ZNF585B: variants seen among roughly 807,000 people sequenced by gnomAD.
ZNF585B encodes zinc finger protein 41-like protein.
A neutral mutation model predicts 14.0 loss-of-function variants in ZNF585B; 7 were observed. The ratio of observed to expected loss-of-function variants is 0.50; its 90% CI spans 0.28 to 0.94. The LOEUF is 0.94. ZNF585B is among the 40% of genes least tolerant of loss of function. ZNF585B has a pLI of 0.09. For synonymous variants in ZNF585B, 290 were observed against 317.3 expected (o/e 0.91, Z 0.91); for missense variants, 750 against 924.4 (o/e 0.81, Z 2.45).
chr19:37,190,211 T>C (rs1252691836), intron 2 of ZNF585B, 61 bp from the exon 3 acceptor site: 10 of 1,599,216 alleles, frequency 6.3e-6, no homozygotes, highest in South Asian at 2.2e-5. Flanking sequence ...AGTGACTATA[T>C]ATGGGATTAC....
At chr19:37,205,714 T>C (rs1187687615) in intron 2 of ZNF585B, among the ~76,000 whole-genome samples, 1 of 152,210 alleles carries the variant, frequency 6.6e-6, no homozygotes, top group African/African-American at 2.4e-5. Flanking sequence ...ACTAGGTATA[T>C]GCATTGCCTA....
intron 2 of ZNF585B, among the ~76,000 whole-genome samples, chr19:37,193,093 C>T (rs750976265): frequency 2.6e-5 from 4 of 152,096 alleles, no homozygotes; most frequent in Non-Finnish European, 5.9e-5. Flanking sequence ...CGAGATTGCG[C>T]CACTGCATTC....
chr19:37,200,977 GC>G (rs1418573023), intron 2 of ZNF585B, among the ~76,000 whole-genome samples: 15 of 151,520 alleles, frequency 9.9e-5, no homozygotes, highest in Admixed American at 8.6e-4. Flanking sequence ...TGTAATCCCA[GC>G]TACTCCAGAG....
At chr19:37,188,444 C>T (rs1268370365) in intron 4 of ZNF585B, among the ~76,000 whole-genome samples, 1 of 152,142 alleles carries the variant, frequency 6.6e-6, no homozygotes, top group African/African-American at 2.4e-5. Context: ...CGAGATCGTG[C>T]CATTGCACTC....
Position 37,185,790 on chromosome 19 carries a change from A to C in ZNF585B, c.1747T>G (p.Cys583Gly), listed in dbSNP as rs761999354. 7.5e-6 allele frequency: 12 copies of C among 1,599,370 alleles called. No individual in the cohort carries two copies. The South Asian group carries it at 1.1e-4, about 15-fold the overall frequency. Residue 583 changes from cysteine to glycine, a missense_variant, in exon 5 of 5, where the codon TGT becomes GGT. By Grantham distance (159) the Cys-to-Gly change is radical. Transcript: ENST00000532828. ...GACTTGCGGATGAAAGCTCTTCCAC[A>C]CTCAGTGCATACATAGGGTTTCTCT... is the stretch of plus-strand genomic sequence containing the variant. ...TGEKPYVCTE[C>G]GRAFIRKSNF...
intron 3 of ZNF585B, 59 bp downstream of exon 3, chr19:37,189,965 T>G (rs376744832): frequency 1.9e-6 from 3 of 1,601,060 alleles, no homozygotes; most frequent in Admixed American, 1.7e-5. Context: ...ATTCGTCAAC[T>G]GAGAATGAAA....
In ZNF585B at chr19:37,187,264, G is replaced by C; in HGVS notation, c.293-20C>G. 6.5e-7 allele frequency: 1 copy of C among 1,541,006 alleles called. No individual in the cohort carries two copies. The highest frequency in any genetic ancestry group is 1.9e-5 in the Admixed American group (1 of 53,402). ...TCTCTCCTGTTGGAGTACATTCACAGTAAGTATAGAAAGACATTTTACCAT... is the reference window on the plus strand; with the variant it reads ...TCTCTCCTGTTGGAGTACATTCACACTAAGTATAGAAAGACATTTTACCAT... On this transcript the variant is annotated intron_variant, in intron 4 of 4. Transcript: ENST00000532828.
At chr19:37,204,037 G>A (rs1166019684) in intron 2 of ZNF585B, among the ~76,000 whole-genome samples, 1 of 152,170 alleles carries the variant, frequency 6.6e-6, no homozygotes, top group Admixed American at 6.5e-5. Context: ...GCTTCTGAAA[G>A]TAGTGTGATA....
rs939457136 is a variant in ZNF585B, at chr19:37,207,169, G to A, written c.-58C>T. 100 of 1,610,646 alleles carry A rather than the reference G, an allele frequency of 6.2e-5. No individual in the cohort carries two copies. The highest frequency in any genetic ancestry group is 7.8e-5 in the Non-Finnish European group (92 of 1,179,346). On this transcript the variant is annotated 5_prime_UTR_variant, in exon 2 of 5. Coordinates refer to ENST00000532828, the MANE Select transcript of ZNF585B (RefSeq NM_152279.4). ...GGTGCCTGAAGTTTAGTGGTCATCT[G>A]TGAACTCAGCAGAGCTGCTCCGAAG...
intron 2 of ZNF585B, among the ~76,000 whole-genome samples, chr19:37,192,724 C>T (rs1397537532): frequency 1.3e-5 from 2 of 151,890 alleles, no homozygotes; most frequent in South Asian, 2.1e-4. Context: ...GTAGGAGAAT[C>T]GCTTGAACCT....
chr19:37,199,569 C>G, intron 2 of ZNF585B: 1 of 416,340 alleles, frequency 2.4e-6, no homozygotes, highest in Non-Finnish European at 4.8e-6. Context: ...AACCTCCTCA[C>G]TCAAAGATAA....
chr19:37,185,976 G>T lies in ZNF585B; in HGVS notation c.1561C>A (p.Pro521Thr), dbSNP rs201071147. 1 of 1,613,790 alleles carries T rather than the reference G, an allele frequency of 6.2e-7. No individual in the cohort carries two copies. The highest frequency in any genetic ancestry group is 8.5e-7 in the Non-Finnish European group (1 of 1,179,980). The stretch of plus-strand genomic sequence containing the variant: ...TTTCCACAAGTATTGCATTCATAAG[G>T]CTTCTCCCCAGTATGGATTCTCTGA... The part of the protein sequence containing the change: ...THQRIHTGEK[P>T]YECNTCGKAF... The change falls in exon 5 of 5, where the codon CCT becomes ACT. Residue 521 changes from proline (P) to threonine (T), a missense_variant. Pro to Thr is a conservative substitution (Grantham distance 38). Coordinates refer to ENST00000532828, the MANE Select transcript of ZNF585B (RefSeq NM_152279.4).
At chr19:37,191,755 T>C (rs543056367) in intron 2 of ZNF585B, among the ~76,000 whole-genome samples, 2 of 151,936 alleles carry the variant, frequency 1.3e-5, no homozygotes, top group Non-Finnish European at 2.9e-5. Flanking sequence ...CTGTCTTGGC[T>C]GGGCCCGGTG....
intron 2 of ZNF585B, among the ~76,000 whole-genome samples, chr19:37,194,548 G>A (rs8111936): frequency 0.17 from 25,462 of 152,100 alleles, 2,414 homozygotes; most frequent in African/African-American, 0.26. Flanking sequence ...GGGAGGTGGA[G>A]GTTGCAGTGA....
Position 37,186,194 on chromosome 19 carries a change from G to A in ZNF585B, c.1343C>T (p.Thr448Ile), listed in dbSNP as rs1972331346. The A allele has an allele frequency of 6.2e-7, 1 of 1,614,122 alleles. No homozygotes were observed. The highest frequency in any genetic ancestry group is 1.1e-5 in the South Asian group (1 of 91,076). The change falls in exon 5 of 5, where the codon ACT (threonine) becomes ATT (isoleucine). Residue 448 changes from threonine (T) to isoleucine (I), a missense_variant. Transcript: ENST00000532828. ...ATGAACATGGAGTTGTGACTTGGAA[G>A]TAAACAATTTCCCACAGTGACCACA... ...YKCGHCGKLF[T>I]SKSQLHVHKR...
chr19:37,188,762 G>A (rs1312795997), intron 4 of ZNF585B, among the ~76,000 whole-genome samples: 3 of 152,034 alleles, frequency 2.0e-5, no homozygotes, highest in Non-Finnish European at 4.4e-5. Context: ...GTGAGAAAGG[G>A]TGATTAATCC....
At position 37,184,342 on chromosome 19, in the gene ZNF585B, G is replaced by A. The variant is rs1972293765; in HGVS notation, c.*885C>T. The stretch of plus-strand genomic sequence containing the variant: ...CACTCTAGCTTGCCCGACAGAGCAA[G>A]ACTCTGTCTCAAAAAAAGAAAGAAA... On this transcript the variant is annotated 3_prime_UTR_variant, in exon 5 of 5. Coordinates refer to ENST00000532828, the MANE Select transcript of ZNF585B (RefSeq NM_152279.4). 7.6e-6 allele frequency: 1 copy of A among 131,808 alleles called. No individual in the cohort carries two copies. The highest frequency in any genetic ancestry group is 2.8e-5 in the African/African-American group (1 of 35,562). 8.2% of individuals were successfully genotyped at this position (131,808 alleles called of 1,614,324 possible).
chr19:37,193,301 C>G (rs1323134827), intron 2 of ZNF585B, among the ~76,000 whole-genome samples: 2 of 152,012 alleles, frequency 1.3e-5, no homozygotes, highest in East Asian at 3.9e-4. Context: ...GAAACACCAT[C>G]TCTACTAAAA....
At chr19:37,188,441 G>A (rs1972363801) in intron 4 of ZNF585B, among the ~76,000 whole-genome samples, 2 of 152,110 alleles carry the variant, frequency 1.3e-5, no homozygotes, top group South Asian at 2.1e-4. Context: ...AGCCGAGATC[G>A]TGCCATTGCA....
Sources: allele counts gnomAD v4.1 joint callset (sites outside exome capture counted in the v4.1 genomes callset), GRCh38; gene constraint gnomAD v4.1.1; transcripts MANE v1.5; gene names NCBI Gene and HGNC (gene_info 2026-07-23, HGNC 2026-07-21).